XNDC1N: variants seen among roughly 807,000 people sequenced by gnomAD.
XNDC1N encodes protein XNDC1N.
At chr11:71,894,494 T>C in the XNDC1N span, 390 of 158,986 alleles carry the variant, frequency 2.5e-3, no homozygotes, top group Middle Eastern at 9.3e-3. Context: ...CACATTATTT[T>C]TGTGGCTTGA....
At chr11:71,927,342 C>T in the XNDC1N span, among the ~76,000 whole-genome samples, 2 of 151,998 alleles carry the variant, frequency 1.3e-5, no homozygotes, top group Admixed American at 1.3e-4. Flanking sequence ...GAGACCATGG[C>T]CATGACCCCA....
chr11:71,874,440 T>G, the XNDC1N span, among the ~76,000 whole-genome samples: 1 of 152,232 alleles, frequency 6.6e-6, no homozygotes, highest in African/African-American at 2.4e-5. Flanking sequence ...TTCGTTTTTG[T>G]TTTTTAACCC....
At chr11:71,882,963 A>T in the XNDC1N span, among the ~76,000 whole-genome samples, 3 of 152,194 alleles carry the variant, frequency 2.0e-5, no homozygotes, top group African/African-American at 7.2e-5. Flanking sequence ...ACAGCAAGCA[A>T]CTGGAAAGCA....
At chr11:71,923,855 G>A in the XNDC1N span, among the ~76,000 whole-genome samples, 30 of 151,872 alleles carry the variant, frequency 2.0e-4, 1 homozygote, top group Non-Finnish European at 2.7e-4. Context: ...GTGCCTGGCC[G>A]AGTCAGTCCA....
chr11:71,895,245 T>C, the XNDC1N span, among the ~76,000 whole-genome samples: 1 of 152,168 alleles, frequency 6.6e-6, no homozygotes, highest in African/African-American at 2.4e-5. Flanking sequence ...TTCAAATGCA[T>C]TGTCCAGCAA....
chr11:71,891,279 G>C, the XNDC1N span, among the ~76,000 whole-genome samples: 7 of 151,916 alleles, frequency 4.6e-5, no homozygotes, highest in African/African-American at 1.7e-4. Flanking sequence ...AGGATCACAG[G>C]GCTGTGGAAA....
chr11:71,890,666 T>C, the XNDC1N span, among the ~76,000 whole-genome samples: 2 of 152,004 alleles, frequency 1.3e-5, no homozygotes, highest in Non-Finnish European at 2.9e-5. Context: ...TCAGAAACAA[T>C]ATCACAGGGG....
the XNDC1N span, among the ~76,000 whole-genome samples, chr11:71,886,013 T>G: frequency 9.2e-5 from 14 of 152,234 alleles, no homozygotes; most frequent in East Asian, 2.7e-3. Context: ...TTAATTGCGG[T>G]AAGTCGCATT....
the XNDC1N span, among the ~76,000 whole-genome samples, chr11:71,887,738 A>G: frequency 0.032 from 4,834 of 151,314 alleles, no homozygotes; most frequent in East Asian, 0.069. Context: ...ACGGACCAAG[A>G]ACTACCAGCC....
chr11:71,872,238 A>T, the XNDC1N span, among the ~76,000 whole-genome samples: 1 of 152,196 alleles, frequency 6.6e-6, no homozygotes, highest in East Asian at 1.9e-4. Flanking sequence ...TTTGTCTGCA[A>T]CCTCAACACA....
the XNDC1N span, among the ~76,000 whole-genome samples, chr11:71,886,825 G>A: frequency 1.3e-4 from 20 of 152,142 alleles, no homozygotes; most frequent in South Asian, 2.1e-4. Context: ...GGTCAGGCCC[G>A]GCGATATGCC....
At chr11:71,912,943 G>A in the XNDC1N span, among the ~76,000 whole-genome samples, 2 of 152,042 alleles carry the variant, frequency 1.3e-5, no homozygotes, top group African/African-American at 2.4e-5. Flanking sequence ...TCACAAGTGG[G>A]GTGTACTGCC....
At chr11:71,906,628 G>T in the XNDC1N span, among the ~76,000 whole-genome samples, 1 of 152,110 alleles carries the variant, frequency 6.6e-6, no homozygotes, top group Non-Finnish European at 1.5e-5. Flanking sequence ...GGGTCTACAT[G>T]CCCTGTGACC....
chr11:71,883,374 T>C, the XNDC1N span, among the ~76,000 whole-genome samples: 1 of 152,320 alleles, frequency 6.6e-6, no homozygotes, highest in South Asian at 2.1e-4. Flanking sequence ...AACTGTGTGC[T>C]ACTGGGATAA....
At chr11:71,884,684 A>T in the XNDC1N span, 1 of 1,278,914 alleles carries the variant, frequency 7.8e-7, no homozygotes, top group Non-Finnish European at 1.1e-6. Flanking sequence ...GGTCAGGTGA[A>T]AATGAATATA....
At chr11:71,926,513 G>A in the XNDC1N span, among the ~76,000 whole-genome samples, 37 of 152,288 alleles carry the variant, frequency 2.4e-4, no homozygotes, top group African/African-American at 8.9e-4. Context: ...TCATGATTCT[G>A]TCAGAAACAA....
the XNDC1N span, among the ~76,000 whole-genome samples, chr11:71,919,625 T>C: frequency 1.5e-5 from 1 of 68,836 alleles, no homozygotes; most frequent in East Asian, 4.3e-4. Flanking sequence ...TTGTTTGTTT[T>C]TTTTTTTTTT....
the XNDC1N span, among the ~76,000 whole-genome samples, chr11:71,869,705 A>G: frequency 2.6e-5 from 4 of 152,196 alleles, no homozygotes; most frequent in Admixed American, 2.6e-4. Context: ...CTGAATCTCG[A>G]TGATCTTCAT....
At chr11:71,896,741 CT>C in the XNDC1N span, among the ~76,000 whole-genome samples, 1 of 152,112 alleles carries the variant, frequency 6.6e-6, no homozygotes, top group Non-Finnish European at 1.5e-5. Context: ...TGTTGTATTT[CT>C]GGTAGAGACG....
Sources: gnomAD v4.1 joint callset for allele counts (sites outside exome capture counted in the v4.1 genomes callset) on GRCh38, gnomAD v4.1.1 for gene constraint, MANE v1.5 for transcripts, NCBI Gene and HGNC (gene_info 2026-07-23, HGNC 2026-07-21) for gene names.